PRKX: variants seen among roughly 807,000 people sequenced by gnomAD.
The protein encoded by PRKX is protein kinase cAMP-dependent X-linked catalytic subunit.
A neutral mutation model predicts 22.0 loss-of-function variants in PRKX; 12 were observed. The observed-to-expected ratio is 0.54, with a 90% CI of 0.35 to 0.88. The LOEUF (loss-of-function observed/expected upper bound fraction) is 0.88. PRKX is among the 40% of genes least tolerant of loss of function. The pLI is 0.01. For synonymous variants in PRKX, 134 were observed against 137.7 expected, an observed-to-expected ratio of 0.97 and a Z score of 0.19; for missense variants, 217 against 308.0, an observed-to-expected ratio of 0.70 and a Z score of 2.21.
chrX:3,652,295 G>A (rs1428565804), intron 3 of PRKX, among the ~76,000 whole-genome samples: 3 of 110,839 alleles, frequency 2.7e-5, no homozygotes, highest in Non-Finnish European at 3.8e-5. Flanking sequence ...GCGGGCGCCC[G>A]TAGTCCCAGC....
intron 2 of PRKX, 26 bp from the exon 3 acceptor site, chrX:3,655,438 A>G (rs1431100469): frequency 1.7e-6 from 2 of 1,209,293 alleles, no homozygotes; most frequent in African/African-American, 1.7e-5. Flanking sequence ...GCACATGCTC[A>G]GGGCCCCGCC....
At chrX:3,625,005 G>A in intron 5 of PRKX, among the ~76,000 whole-genome samples, 1 of 111,123 alleles carries the variant, frequency 9.0e-6, no homozygotes, top group East Asian at 2.8e-4. Flanking sequence ...GCCTGAGAGA[G>A]AGGTTCTATA....
chrX:3,706,720 T>C (rs772453567), intron 1 of PRKX, among the ~76,000 whole-genome samples: 1 of 112,422 alleles, frequency 8.9e-6, no homozygotes, highest in Non-Finnish European at 1.9e-5. Flanking sequence ...GACTCTGCTT[T>C]TGTCGTCCAA....
At chrX:3,682,492 G>T (rs1050954300) in intron 1 of PRKX, among the ~76,000 whole-genome samples, 2 of 110,684 alleles carry the variant, frequency 1.8e-5, no homozygotes, top group Non-Finnish European at 3.8e-5. Context: ...AGGAGTTTGA[G>T]ACCAGCCTGG....
chrX:3,703,451 T>C (rs1018188756), intron 1 of PRKX, among the ~76,000 whole-genome samples: 3 of 111,000 alleles, frequency 2.7e-5, no homozygotes, highest in Non-Finnish European at 5.7e-5. Context: ...ATAACCTCTG[T>C]GTGGTCTCCT....
chrX:3,639,948 GGT>G (rs1927036360), intron 4 of PRKX, among the ~76,000 whole-genome samples: 1 of 111,198 alleles, frequency 9.0e-6, no homozygotes, highest in Admixed American at 9.6e-5. Context: ...ACAAGCGCTC[GGT>G]GCTCCCCACC....
chrX:3,612,795 T>C (rs774567417), intron 7 of PRKX, among the ~76,000 whole-genome samples: 166 of 110,114 alleles, frequency 1.5e-3, no homozygotes, highest in Middle Eastern at 9.3e-3. Context: ...TCAAAATATA[T>C]ATATATAGTA....
chrX:3,676,536 C>T (rs1193980476), intron 1 of PRKX, among the ~76,000 whole-genome samples: 4 of 112,128 alleles, frequency 3.6e-5, no homozygotes, highest in Admixed American at 9.5e-5. Context: ...TACATATACA[C>T]GATGGAATAC....
chrX:3,633,869 A>G (rs1457781668), intron 4 of PRKX, among the ~76,000 whole-genome samples: 1 of 111,888 alleles, frequency 8.9e-6, no homozygotes, highest in Non-Finnish European at 1.9e-5. Flanking sequence ...AGAGAAAAGA[A>G]GAAAGCCGTC....
intron 2 of PRKX, among the ~76,000 whole-genome samples, chrX:3,669,992 G>C (rs774607266): frequency 9.0e-6 from 1 of 111,138 alleles, no homozygotes; most frequent in African/African-American, 3.3e-5. Flanking sequence ...GCTCCTGGCC[G>C]CTGGTGGGTG....
At chrX:3,706,028 C>T (rs187335968) in intron 1 of PRKX, among the ~76,000 whole-genome samples, 160 of 106,100 alleles carry the variant, frequency 1.5e-3, no homozygotes, top group African/African-American at 5.1e-3. Flanking sequence ...ACCACAATGT[C>T]ATCAACATTA....
chrX:3,712,129 G>A (rs1356523173), intron 1 of PRKX, among the ~76,000 whole-genome samples: 7 of 111,683 alleles, frequency 6.3e-5, no homozygotes, highest in Non-Finnish European at 1.9e-5. Flanking sequence ...TCCCAGCCCA[G>A]CTTCCTCCTT....
At chrX:3,699,048 T>G (rs369848799) in intron 1 of PRKX, among the ~76,000 whole-genome samples, 1 of 97,721 alleles carries the variant, frequency 1.0e-5, no homozygotes, top group Non-Finnish European at 2.0e-5. Context: ...ATTTTATTTT[T>G]TTTTTTGAGA....
At position 3,619,961 on chromosome X, in the gene PRKX, T is replaced by G. The variant is rs775478891; in HGVS notation, c.873+1298A>C. On this transcript the variant is annotated intron_variant, in intron 6 of 8. Transcript: ENST00000262848. ...AGAGCTAGAAATGGCCAACAAAAAG[T>G]CCATGAATTCTGTCAAATTCAGGGA... Among the ~76,000 whole-genome samples, 4 of 111,803 alleles carry G rather than the reference T, an allele frequency of 3.6e-5. No individual in the cohort carries two copies. In the South Asian group the frequency reaches 1.5e-3, roughly 42 times the overall value.
rs1008289069 is a variant in PRKX at position 3,605,814 on chromosome X, C to T, written c.*3155G>A. On this transcript the variant is annotated 3_prime_UTR_variant, in exon 9 of 9. Transcript: ENST00000262848. The stretch of plus-strand genomic sequence containing the variant: ...AACTGCATTTTGAGGGGATGAAGCG[C>T]GCAATCTTACCCCACTGCTGGGGGG... The T allele has an allele frequency of 1.1e-4, 12 of 111,904 alleles. No individual in the cohort carries two copies. The highest frequency in any genetic ancestry group is 3.7e-4 in the South Asian group (1 of 2,677). 9.2% of individuals were successfully genotyped at this position (111,904 alleles called of 1,213,427 possible). A position where few individuals can be genotyped will look rare whatever the true frequency, so the allele number is the denominator to read the frequency against.
intron 1 of PRKX, among the ~76,000 whole-genome samples, chrX:3,701,809 T>G (rs1928581236): frequency 1.8e-5 from 2 of 111,740 alleles, no homozygotes; most frequent in Non-Finnish European, 1.9e-5. Context: ...GACCTCTGGT[T>G]GTCCTCACTG....
rs145422292 is a variant in PRKX, at chrX:3,685,708, C to T, written c.167-10942G>A. 4.4e-4 allele frequency among the ~76,000 whole-genome samples: 48 copies of T among 108,734 alleles called. No individual in the cohort carries two copies. In the East Asian group the frequency reaches 0.01, roughly 23 times the overall value. The allele number at this position is 108,734 out of a possible 115,157, so 94.4% of individuals were successfully genotyped here. A position where few individuals can be genotyped will look rare whatever the true frequency, so the allele number is the denominator to read the frequency against. ...TATGTACACCGGAATAACACTGACCCGCCTCCCCCAAGATAGGCTAAGAGG... is the reference window on the plus strand; with the variant it reads ...TATGTACACCGGAATAACACTGACCTGCCTCCCCCAAGATAGGCTAAGAGG... On this transcript the variant is annotated intron_variant, in intron 1 of 8. Coordinates refer to ENST00000262848, the MANE Select transcript of PRKX (RefSeq NM_005044.5).
intron 6 of PRKX, 72 bp downstream of exon 6, chrX:3,621,187 T>G (rs1158703329): frequency 1.0e-6 from 1 of 966,114 alleles, no homozygotes; most frequent in East Asian, 3.1e-5. Context: ...TACCTGCACA[T>G]GCCAATGTGG....
intron 3 of PRKX, among the ~76,000 whole-genome samples, chrX:3,653,624 T>C (rs60143865): frequency 0.083 from 5,748 of 69,102 alleles, 277 homozygotes; most frequent in East Asian, 0.46. Context: ...ATATATTATA[T>C]ATAATATACT....
Sources: allele counts gnomAD v4.1 joint callset (sites outside exome capture counted in the v4.1 genomes callset), GRCh38; gene constraint gnomAD v4.1.1; transcripts MANE v1.5; gene names NCBI Gene and HGNC (gene_info 2026-07-23, HGNC 2026-07-21).